Variants in ERICH1 observed in about 807,000 individuals in gnomAD.
The protein encoded by ERICH1 is glutamate-rich protein 1.
Under a neutral mutation model 39.6 loss-of-function variants are expected in ERICH1, and 56 were observed. The ratio of observed to expected loss-of-function variants is 1.41; its 90% CI spans 1.14 to 1.77. ERICH1 has a LOEUF of 1.77. Ranked by LOEUF, ERICH1 falls within the 40% of genes most tolerant of loss-of-function variation. ERICH1 has a pLI of 0.00. For synonymous variants in ERICH1, 313 were observed against 223.6 expected (o/e 1.40, Z -3.57); for missense variants, 826 against 575.4 (o/e 1.44, Z -4.45).
chr8:695,221 T>C (rs1212006876), intron 2 of ERICH1, among the ~76,000 whole-genome samples: 1 of 152,074 alleles, frequency 6.6e-6, no homozygotes. Context: ...AGGTGAGCAC[T>C]GGGTACCACC....
At chr8:649,305 T>C (rs1474376264) in intron 3 of ERICH1, among the ~76,000 whole-genome samples, 2 of 69,842 alleles carry the variant, frequency 2.9e-5, no homozygotes, top group East Asian at 5.9e-4. Flanking sequence ...TAAACAAATA[T>C]TTAGCTAAAA....
chr8:673,089 G>A (rs1296080686), intron 4 of ERICH1, among the ~76,000 whole-genome samples, 200 bp downstream of exon 4: 2 of 152,258 alleles, frequency 1.3e-5, no homozygotes, highest in Non-Finnish European at 2.9e-5. Context: ...TCGGTGGAAA[G>A]CACATAAATA....
chr8:665,168 C>T (rs913163731), intron 5 of ERICH1, among the ~76,000 whole-genome samples: 1 of 151,352 alleles, frequency 6.6e-6, no homozygotes, highest in South Asian at 2.1e-4. Context: ...AGCCAAGACA[C>T]CACAATCGCG....
intron 3 of ERICH1, among the ~76,000 whole-genome samples, chr8:635,955 C>T (rs1798405162): frequency 6.6e-6 from 1 of 152,246 alleles, no homozygotes; most frequent in South Asian, 2.1e-4. Context: ...TCCTGCGAGC[C>T]GTTCAACCAG....
At chr8:696,343 C>T (rs1810270183) in intron 2 of ERICH1, among the ~76,000 whole-genome samples, 1 of 30,666 alleles carries the variant, frequency 3.3e-5, no homozygotes, top group Non-Finnish European at 5.8e-5. Context: ...TCACCCTCCA[C>T]TCCTCTCCTT....
chr8:668,332 A>G, intron 5 of ERICH1: 1 of 514,434 alleles, frequency 1.9e-6, no homozygotes, highest in East Asian at 3.4e-5. Flanking sequence ...ATTTAAACTT[A>G]GGAAAATTTG....
chr8:730,443 C>A lies in ERICH1; in HGVS notation c.22+697G>T, dbSNP rs115962515. On this transcript the variant is annotated intron_variant, in intron 1 of 5. Transcript: ENST00000262109. ...AGCGCCTGAATTAATCCAAGTAACA[C>A]GAGATTCATGTCAAAAACCGCCACT... 7.4e-3 allele frequency among the ~76,000 whole-genome samples: 1,126 copies of A among 152,250 alleles called. 13 individuals carry two copies. Among genetic ancestry groups the A allele is most frequent in the African/African-American group, 0.025 (1,030 of 41,516 alleles).
rs796209935 is a variant in ERICH1, at chr8:629,496, G to A, written c.977-14212C>T. 6.3e-4 allele frequency among the ~76,000 whole-genome samples: 16 copies of A among 25,232 alleles called. 1 individual carries two copies. The highest frequency in any genetic ancestry group is 2.2e-3 in the African/African-American group (8 of 3,640). The allele number at this position is 25,232 out of a possible 152,430, so 16.6% of individuals were successfully genotyped here. Reference sequence around the variant, plus strand: ...CCACACAGACAGAGCTGACTCACACGCTACTGTGACCACCCACAGAGACAG... The same window carrying A: ...CCACACAGACAGAGCTGACTCACACACTACTGTGACCACCCACAGAGACAG... On this transcript the variant is annotated intron_variant, in intron 3 of 3. Coordinates refer to the ERICH1 transcript ENST00000522706.
intron 3 of ERICH1, among the ~76,000 whole-genome samples, chr8:624,869 G>T (rs1257511995): frequency 6.6e-6 from 1 of 152,124 alleles, no homozygotes; most frequent in Non-Finnish European, 1.5e-5. Context: ...TGGGACTACA[G>T]GTGCCCGCCA....
Position 673,605 on chromosome 8 carries a change from C to CTCT in ERICH1, c.744_746dup (p.Glu249dup). 6.5e-7 allele frequency: 1 copy of CTCT among 1,549,438 alleles called. No individual in the cohort carries two copies. The highest frequency in any genetic ancestry group is 1.7e-5 in the Admixed American group (1 of 57,286). ...GATCTTCCTCACTGGCGTCCGCACC[C>CTCT]TCTTCCTGCCTGGCCCGTGTCAGGT... On this transcript the variant is annotated inframe_insertion, in exon 4 of 6. Coordinates refer to ENST00000262109, the MANE Select transcript of ERICH1 (RefSeq NM_207332.3).
At chr8:651,624 G>C (rs985931433) in intron 3 of ERICH1, among the ~76,000 whole-genome samples, 6 of 152,068 alleles carry the variant, frequency 3.9e-5, no homozygotes, top group South Asian at 2.1e-4. Flanking sequence ...AAGCCAGAGA[G>C]AGAGCTGGTG....
At chr8:701,452 C>T (rs1320081780) in intron 2 of ERICH1, among the ~76,000 whole-genome samples, 2 of 152,224 alleles carry the variant, frequency 1.3e-5, no homozygotes, top group African/African-American at 2.4e-5. Flanking sequence ...GGGAACACGC[C>T]GTAGGATGGG....
At chr8:715,614 C>A (rs964508070) in intron 2 of ERICH1, among the ~76,000 whole-genome samples, 19 of 152,250 alleles carry the variant, frequency 1.2e-4, no homozygotes, top group African/African-American at 4.3e-4. Context: ...CAATCGCCAT[C>A]TTCAGAGCAC....
downstream of ERICH1, among the ~76,000 whole-genome samples, chr8:660,662 T>C (rs1413583610): frequency 6.6e-6 from 1 of 152,210 alleles, no homozygotes; most frequent in Non-Finnish European, 1.5e-5. Flanking sequence ...AAATTAATTT[T>C]TTTTACAATA....
At chr8:639,853 T>C (rs1187221720) in intron 3 of ERICH1, among the ~76,000 whole-genome samples, 4 of 127,524 alleles carry the variant, frequency 3.1e-5, no homozygotes, top group Non-Finnish European at 5.0e-5. Context: ...GCACCCTGGA[T>C]TCAGAGGCAG....
In ERICH1 at chr8:628,831, G is replaced by A. The variant is rs1410015299; in HGVS notation, c.977-13547C>T. On this transcript the variant is annotated intron_variant, in intron 3 of 3. Coordinates refer to the ERICH1 transcript ENST00000522706. ...TGAACGTTTCCTCGGCTCCCCCAAT[G>A]CTGAGGCAAACAAGCCCCCTCTCCC... Among the ~76,000 whole-genome samples the A allele has an allele frequency of 2.0e-5, 3 of 152,174 alleles. No individual in the cohort carries two copies. In the East Asian group the frequency reaches 5.8e-4, roughly 29 times the overall value.
intron 3 of ERICH1, chr8:625,638 T>C (rs145450787): frequency 4.6e-5 from 7 of 152,316 alleles, no homozygotes; most frequent in Admixed American, 3.9e-4. Flanking sequence ...AATTATATCT[T>C]AAGACATTAA....
chr8:670,907 C>T (rs1479251013), intron 4 of ERICH1, among the ~76,000 whole-genome samples: 1 of 151,704 alleles, frequency 6.6e-6, no homozygotes, highest in African/African-American at 2.4e-5. Context: ...AACCCGCCGG[C>T]CCCTGCTCCA....
chr8:713,221 AAC>A (rs1491128511), intron 2 of ERICH1, among the ~76,000 whole-genome samples: 1 of 152,234 alleles, frequency 6.6e-6, no homozygotes, highest in African/African-American at 2.4e-5. Flanking sequence ...CCCATCTCCA[AAC>A]ACAGTCACAT....
Sources: allele counts gnomAD v4.1 joint callset (sites outside exome capture counted in the v4.1 genomes callset), GRCh38; gene constraint gnomAD v4.1.1; transcripts MANE v1.5; gene names NCBI Gene and HGNC (gene_info 2026-07-23, HGNC 2026-07-21).